Variants in EQTN observed in about 807,000 individuals in gnomAD.
The protein encoded by EQTN is equatorin.
EQTN carries 29 observed loss-of-function variants against 26.9 expected under a neutral mutation model. The ratio of observed to expected loss-of-function variants is 1.08; its 90% CI spans 0.80 to 1.47. The LOEUF (loss-of-function observed/expected upper bound fraction) is 1.47. Ranked by LOEUF, EQTN falls within the 40% of genes most tolerant of loss-of-function variation. The pLI is 0.00. For missense variants in EQTN, 391 were observed against 346.1 expected (o/e 1.13, Z -1.03); for synonymous variants, 129 against 120.0 (o/e 1.07, Z -0.49).
Position 27,284,896 on chromosome 9 carries a change from C to T in EQTN, c.712G>A (p.Val238Ile). The stretch of plus-strand genomic sequence containing the variant: ...CTCTTGGAAAAGGATGTATCTGAAA[C>T]ACCTTCTGATGGATGAAAGTAAGAC... ...TMSYFHPSEG[V>I]SDTSFSKSAE... The change falls in exon 8 of 8, where the codon GTT (valine) becomes ATT (isoleucine). Residue 238 changes from valine to isoleucine, a missense_variant. Physicochemically the swap from Val to Ile is conservative, Grantham distance 29. Coordinates refer to ENST00000380032, the MANE Select transcript of EQTN (RefSeq NM_020641.3). 3 of 1,614,130 alleles carry T rather than the reference C, an allele frequency of 1.9e-6. No homozygotes were observed. The highest frequency in any genetic ancestry group is 8.5e-7 in the Non-Finnish European group (1 of 1,180,002).
At chr9:27,289,302 TAA>T (rs1820181445) in intron 6 of EQTN, among the ~76,000 whole-genome samples, 1 of 152,316 alleles carries the variant, frequency 6.6e-6, no homozygotes, top group Admixed American at 6.5e-5. Context: ...TTGGGAACTA[TAA>T]CTCTCCTGAA....
chr9:27,292,561 A>G (rs1291952053), intron 3 of EQTN, 74 bp from the exon 4 acceptor site: 1 of 810,010 alleles, frequency 1.2e-6, no homozygotes, highest in Non-Finnish European at 2.0e-6. Context: ...ATTTTTTAAT[A>G]TCTATTAAAT....
At chr9:27,293,960 G>C (rs900619340) in intron 3 of EQTN, among the ~76,000 whole-genome samples, 4 of 152,102 alleles carry the variant, frequency 2.6e-5, no homozygotes, top group Non-Finnish European at 5.9e-5. Flanking sequence ...AAAAAAACGT[G>C]GGTTTAAGAA....
At position 27,286,271 on chromosome 9, in the gene EQTN, G is replaced by A; in HGVS notation, c.573C>T (p.Leu191=). 6 of 1,613,746 alleles carry A rather than the reference G, an allele frequency of 3.7e-6. No individual in the cohort carries two copies. The highest frequency in any genetic ancestry group is 3.3e-4 in the Middle Eastern group (2 of 6,062). The change falls in exon 7 of 8, where the codon CTC becomes CTT. Residue 191 remains leucine, a synonymous_variant. Transcript: ENST00000380032. ...KIMLGISLMT[L]LLFVVLLAFC... The stretch of plus-strand genomic sequence containing the variant: ...ATGCCAAGAGGACCACAAAGAGGAG[G>A]AGGGTCATCAACGAGATTCCCAGCA...
At chr9:27,294,223 A>G in intron 3 of EQTN, 93 bp downstream of exon 3, 1 of 806,420 alleles carries the variant, frequency 1.2e-6, no homozygotes, top group Middle Eastern at 2.4e-4. Context: ...TTTAGGAACG[A>G]AGACTTCTTT....
Position 27,292,429 on chromosome 9 carries a change from A to T in EQTN, c.348T>A (p.Thr116=). 6.2e-7 allele frequency: 1 copy of T among 1,608,044 alleles called. No individual in the cohort carries two copies. Among genetic ancestry groups the T allele is most frequent in the Non-Finnish European group, 8.5e-7 (1 of 1,176,342 alleles). The change falls in exon 4 of 8, where the codon ACT becomes ACA. Residue 116 remains threonine (T), a synonymous_variant. Coordinates refer to ENST00000380032, the MANE Select transcript of EQTN (RefSeq NM_020641.3). ...EKSTIEEETT[T]SEPSHKNIQR... is the part of the protein sequence containing the mutation. The stretch of plus-strand genomic sequence containing the variant: ...GAATATTTTTATGAGAGGGTTCGCT[A>T]GTAGTTGTTTCTTCTTCAATGGTGG...
At chr9:27,295,831 C>CAAAAAAAAAAA (rs67401588) in intron 2 of EQTN, among the ~76,000 whole-genome samples, 1 of 69,298 alleles carries the variant, frequency 1.4e-5, no homozygotes, top group Non-Finnish European at 2.3e-5. Flanking sequence ...GACTCCGTCT[C>CAAAAAAAAAAA]AAAAAAAAAA....
chr9:27,294,791 G>T (rs955182764), intron 2 of EQTN, among the ~76,000 whole-genome samples: 1 of 152,142 alleles, frequency 6.6e-6, no homozygotes, highest in African/African-American at 2.4e-5. Flanking sequence ...TTAGACTATG[G>T]AATGAACACT....
At chr9:27,292,240 G>T in intron 4 of EQTN, 161 bp downstream of exon 4, 1 of 422,122 alleles carries the variant, frequency 2.4e-6, no homozygotes, top group Non-Finnish European at 4.2e-6. Flanking sequence ...CTGACTGTTA[G>T]ACATTCACCA....
chr9:27,284,692 T>C lies in EQTN; in HGVS notation c.*31A>G. 6.3e-7 allele frequency: 1 copy of C among 1,592,370 alleles called. No individual in the cohort carries two copies. The highest frequency in any genetic ancestry group is 8.5e-7 in the Non-Finnish European group (1 of 1,170,508). On this transcript the variant is annotated 3_prime_UTR_variant, in exon 8 of 8. Transcript: ENST00000380032. Reference sequence around the variant, plus strand: ...ATAATTAAAGTTATTTATTCATCAATAAGATTTCTTCACCGGGTTCCTTGA... The same window carrying C: ...ATAATTAAAGTTATTTATTCATCAACAAGATTTCTTCACCGGGTTCCTTGA...
chr9:27,285,425 A>C (rs1340822003), intron 7 of EQTN, among the ~76,000 whole-genome samples: 3 of 152,084 alleles, frequency 2.0e-5, no homozygotes, highest in Non-Finnish European at 4.4e-5. Context: ...TACAGGTGTG[A>C]GCCACCACGC....
At position 27,291,004 on chromosome 9, in the gene EQTN, G is replaced by GTAC. The variant is rs1372011209; in HGVS notation, c.421+14_421+15insGTA. The GTAC allele has an allele frequency of 6.2e-7, 1 of 1,610,568 alleles. No homozygotes were observed. Among genetic ancestry groups the GTAC allele is most frequent in the East Asian group, 2.2e-5 (1 of 44,812 alleles). ...ACCAAAATGTTTCCCAAGCTACCTA[G>GTAC]CTGTATGACTTTACCTTTAGCTAAC... On this transcript the variant is annotated intron_variant, in intron 5 of 7. Coordinates refer to ENST00000380032, the MANE Select transcript of EQTN (RefSeq NM_020641.3).
In EQTN at chr9:27,296,673, T is replaced by C; in HGVS notation, c.142A>G (p.Thr48Ala). 3 of 1,601,848 alleles carry C rather than the reference T, an allele frequency of 1.9e-6. No individual in the cohort carries two copies. The highest frequency in any genetic ancestry group is 2.6e-6 in the Non-Finnish European group (3 of 1,170,720). ...TCATTAGCAGGAGCATAATTGGGAG[T>C]ATGATCTTCATTCTTTTCTTCCTGC... ...NKQEEKNEDH[T>A]PNYAPANEKN... The change falls in exon 2 of 8, where the codon ACT becomes GCT. Residue 48 changes from threonine (T) to alanine (A), a missense_variant. Physicochemically the swap from Thr to Ala is moderately conservative, Grantham distance 58. Coordinates refer to ENST00000380032, the MANE Select transcript of EQTN (RefSeq NM_020641.3).
chr9:27,292,408 AT>A lies in EQTN; in HGVS notation c.368del (p.Asn123IlefsTer16). The A allele has an allele frequency of 1.3e-6, 2 of 1,596,580 alleles. No individual in the cohort carries two copies. The highest frequency in any genetic ancestry group is 1.7e-6 in the Non-Finnish European group (2 of 1,167,288). On this transcript the variant is annotated frameshift_variant, in exon 4 of 8. Coordinates refer to ENST00000380032, the MANE Select transcript of EQTN (RefSeq NM_020641.3). LOFTEE classifies it high-confidence loss of function. ...GTGTAGTAATTTAAATACTTTGAAT[AT>A]TTTTATGAGAGGGTTCGCTAGTAGT... ...ETTTSEPSHK[N>X]IQRSTPNVPA...
intron 6 of EQTN, 109 bp from the exon 7 acceptor site, chr9:27,286,471 A>C: frequency 9.2e-7 from 1 of 1,086,974 alleles, no homozygotes; most frequent in Non-Finnish European, 1.3e-6. Context: ...CATCCAGAGT[A>C]TTAACTGGCC....
At chr9:27,289,175 A>G (rs902986062) in intron 6 of EQTN, among the ~76,000 whole-genome samples, 2 of 152,320 alleles carry the variant, frequency 1.3e-5, no homozygotes, top group African/African-American at 4.8e-5. Flanking sequence ...TCTATTTTGA[A>G]AAAAGACTGC....
Position 27,284,958 on chromosome 9 carries a change from T to C in EQTN, c.650A>G (p.Glu217Gly), listed in dbSNP as rs375881419. Reference protein sequence around the residue: ...KLRHLSYKSCESQYSVNPELA... With the variant: ...KLRHLSYKSCGSQYSVNPELA... ...CTCTGGGTTGACAGAGTACTGACTC[T>C]CACAACTTTTATAACTGAAGAAGAA... Residue 217 changes from glutamate (E) to glycine (G), a missense_variant, in exon 8 of 8, where the codon GAG becomes GGG. Transcript: ENST00000380032. 1.8e-5 allele frequency: 29 copies of C among 1,612,094 alleles called. No homozygotes were observed. The African/African-American group carries it at 2.1e-4, about 12-fold the overall frequency.
At chr9:27,294,442 C>G in intron 2 of EQTN, 40 bp from the exon 3 acceptor site, 2 of 1,290,610 alleles carry the variant, frequency 1.5e-6, no homozygotes, top group Non-Finnish European at 2.2e-6. Context: ...CTAGCTAAGT[C>G]ACTTTTTTTC....
chr9:27,285,028 C>T, intron 7 of EQTN, 56 bp from the exon 8 acceptor site: 2 of 1,501,396 alleles, frequency 1.3e-6, no homozygotes, highest in South Asian at 2.6e-5. Context: ...ACATTTGTAA[C>T]TCAGCTTAGA....
Sources: allele counts gnomAD v4.1 joint callset (sites outside exome capture counted in the v4.1 genomes callset), GRCh38; gene constraint gnomAD v4.1.1; transcripts MANE v1.5; gene names NCBI Gene and HGNC (gene_info 2026-07-23, HGNC 2026-07-21).